Variants in SEMA3C observed in about 807,000 individuals in gnomAD.
SEMA3C encodes the protein semaphorin 3C, also known as semaphorin-3C.
SEMA3C carries 47 observed loss-of-function variants against 89.4 expected under a neutral mutation model. That is an observed-to-expected ratio of 0.53 (90% confidence interval 0.42 to 0.67). The LOEUF (loss-of-function observed/expected upper bound fraction) is 0.67. SEMA3C is among the 30% of genes least tolerant of loss of function. The pLI is 0.00. For synonymous variants in SEMA3C, 310 were observed against 320.2 expected (o/e 0.97, Z 0.34); for missense variants, 839 against 929.1 (o/e 0.90, Z 1.26).
At chr7:80,758,008 A>C (rs1788101709) in intron 15 of SEMA3C, among the ~76,000 whole-genome samples, 1 of 152,122 alleles carries the variant, frequency 6.6e-6, no homozygotes, top group African/African-American at 2.4e-5. Flanking sequence ...GATATAAATT[A>C]GGTGATACAA....
intron 11 of SEMA3C, among the ~76,000 whole-genome samples, chr7:80,791,893 T>C (rs1201588106): frequency 1.3e-5 from 2 of 152,188 alleles, no homozygotes; most frequent in Non-Finnish European, 2.9e-5. Context: ...ATTATCTCAC[T>C]CATTTAGACT....
intron 2 of SEMA3C, among the ~76,000 whole-genome samples, chr7:80,848,372 A>G (rs1007125390): frequency 6.6e-6 from 1 of 152,188 alleles, no homozygotes; most frequent in African/African-American, 2.4e-5. Flanking sequence ...AAATAGTGCA[A>G]TAGTAAATAA....
At chr7:80,891,278 T>A (rs1004110444) in intron 2 of SEMA3C, among the ~76,000 whole-genome samples, 13 of 152,182 alleles carry the variant, frequency 8.5e-5, no homozygotes, top group African/African-American at 3.1e-4. Flanking sequence ...ATATCCCGTC[T>A]TGCGTCCAAA....
At chr7:80,886,098 G>T (rs768348472) in intron 2 of SEMA3C, among the ~76,000 whole-genome samples, 9 of 152,048 alleles carry the variant, frequency 5.9e-5, no homozygotes, top group Non-Finnish European at 7.4e-5. Context: ...AACTCAAATA[G>T]AGACATTGTT....
At chr7:80,889,389 G>A (rs149022679) in intron 2 of SEMA3C, among the ~76,000 whole-genome samples, 5 of 152,068 alleles carry the variant, frequency 3.3e-5, no homozygotes, top group East Asian at 1.9e-4. Context: ...ATCTTTCTGC[G>A]TTATGAATAA....
At chr7:80,786,289 T>C (rs1788800253) in intron 12 of SEMA3C, among the ~76,000 whole-genome samples, 2 of 152,168 alleles carry the variant, frequency 1.3e-5, no homozygotes, top group South Asian at 2.1e-4. Context: ...CTTCTTACTG[T>C]CTTCTATGAA....
intron 2 of SEMA3C, among the ~76,000 whole-genome samples, chr7:80,892,638 AT>A (rs1791643497): frequency 6.6e-6 from 1 of 152,190 alleles, no homozygotes; most frequent in African/African-American, 2.4e-5. Flanking sequence ...AAGTTAGGAC[AT>A]TAGATCATTT....
intron 12 of SEMA3C, among the ~76,000 whole-genome samples, chr7:80,770,305 G>A (rs917832884): frequency 6.6e-5 from 10 of 152,274 alleles, no homozygotes; most frequent in African/African-American, 2.2e-4. Flanking sequence ...ATGCCCTTTC[G>A]TTTGAAGATG....
At chr7:80,796,263 A>C (rs1258883821) in intron 11 of SEMA3C, 2 of 152,230 alleles carry the variant, frequency 1.3e-5, no homozygotes, top group Non-Finnish European at 2.9e-5. Flanking sequence ...TGCATAAAAT[A>C]TGTTGAGTAA....
At chr7:80,857,641 T>TGGGG (rs1790672217) in intron 2 of SEMA3C, among the ~76,000 whole-genome samples, 1 of 152,194 alleles carries the variant, frequency 6.6e-6, no homozygotes, top group Admixed American at 6.6e-5. Flanking sequence ...TTTATAAGCA[T>TGGGG]TTAAATCGAT....
intron 2 of SEMA3C, among the ~76,000 whole-genome samples, chr7:80,860,821 G>T (rs1358166446): frequency 1.3e-5 from 2 of 152,154 alleles, no homozygotes; most frequent in African/African-American, 2.4e-5. Flanking sequence ...ATAAAGACAG[G>T]TGTGGGGTTT....
chr7:80,871,206 G>C (rs1255886180), intron 2 of SEMA3C, among the ~76,000 whole-genome samples: 1 of 152,112 alleles, frequency 6.6e-6, no homozygotes, highest in Non-Finnish European at 1.5e-5. Flanking sequence ...AGTCAAGAGG[G>C]GAGCGAGTAG....
chr7:80,761,282 T>G (rs10246081), intron 14 of SEMA3C, among the ~76,000 whole-genome samples: 1 of 152,116 alleles, frequency 6.6e-6, no homozygotes, highest in East Asian at 1.9e-4. Context: ...TAGCCCAAAC[T>G]TTATGCTAAA....
chr7:80,884,820 T>G (rs745646277), intron 2 of SEMA3C, among the ~76,000 whole-genome samples: 4 of 152,204 alleles, frequency 2.6e-5, no homozygotes, highest in Non-Finnish European at 4.4e-5. Flanking sequence ...GTCACAAGAT[T>G]GTGATAACAA....
At chr7:80,919,283 G>T, upstream of SEMA3C, 1 of 984,006 alleles carries the variant, frequency 1.0e-6, no homozygotes, top group Non-Finnish European at 1.2e-6. Context: ...GCTCGCGGCT[G>T]GCCAGACGCA....
At chr7:80,891,584 T>C (rs1791615723) in intron 2 of SEMA3C, among the ~76,000 whole-genome samples, 1 of 152,146 alleles carries the variant, frequency 6.6e-6, no homozygotes, top group African/African-American at 2.4e-5. Context: ...CACACCTATC[T>C]TTGTTTTAAA....
chr7:80,880,697 G>A (rs1463921515), intron 2 of SEMA3C, among the ~76,000 whole-genome samples: 1 of 152,180 alleles, frequency 6.6e-6, no homozygotes, highest in Non-Finnish European at 1.5e-5. Context: ...GCCCAAGGCA[G>A]GCAGACCACT....
intron 2 of SEMA3C, among the ~76,000 whole-genome samples, chr7:80,881,528 G>A (rs560935742): frequency 2.4e-4 from 37 of 152,256 alleles, no homozygotes; most frequent in Non-Finnish European, 4.9e-4. Flanking sequence ...CATCACTGGA[G>A]GGGTGTAAGT....
chr7:80,872,306 G>T (rs544169656), intron 2 of SEMA3C, among the ~76,000 whole-genome samples: 1 of 151,504 alleles, frequency 6.6e-6, no homozygotes. Flanking sequence ...ACGCACCACC[G>T]TGTCCAGCCA....
Sources: gnomAD v4.1 joint callset for allele counts (sites outside exome capture counted in the v4.1 genomes callset) on GRCh38, gnomAD v4.1.1 for gene constraint, MANE v1.5 for transcripts, NCBI Gene and HGNC (gene_info 2026-07-23, HGNC 2026-07-21) for gene names.